Variants in ERO1A observed in about 807,000 individuals in gnomAD.
ERO1A encodes the protein ERO1-like protein alpha.
In ERO1A, 49 loss-of-function variants were observed where a neutral mutation model predicts 76.9. The observed-to-expected ratio is 0.64, with a 90% confidence interval of 0.51 to 0.81. ERO1A has a LOEUF of 0.81. Among genes scored for constraint, ERO1A ranks in the 30% least tolerant of loss-of-function variants. ERO1A has a pLI of 0.00. For synonymous variants in ERO1A, 174 were observed against 181.2 expected, an observed-to-expected ratio of 0.96 and a Z score of 0.32; for missense variants, 448 against 542.1, an observed-to-expected ratio of 0.83 and a Z score of 1.72.
chr14:52,671,179 C>A (rs2040584759), intron 6 of ERO1A, among the ~76,000 whole-genome samples: 1 of 152,168 alleles, frequency 6.6e-6, no homozygotes, highest in Admixed American at 6.5e-5. Flanking sequence ...AACTTCATTC[C>A]TTTTTCTGGC....
intron 4 of ERO1A, among the ~76,000 whole-genome samples, chr14:52,677,788 A>G (rs918110301): frequency 8.7e-5 from 13 of 149,220 alleles, no homozygotes; most frequent in African/African-American, 3.3e-4. Flanking sequence ...ACTTTAGCCC[A>G]GGAGTTCAAG....
intron 1 of ERO1A, among the ~76,000 whole-genome samples, chr14:52,691,485 A>G (rs2041352901): frequency 6.6e-6 from 1 of 152,218 alleles, no homozygotes. Flanking sequence ...AACCTGTTTC[A>G]AAGATCCCTC....
chr14:52,658,465 G>A, intron 9 of ERO1A: 1 of 222,434 alleles, frequency 4.5e-6, no homozygotes, highest in South Asian at 1.1e-4. Context: ...GTCAAGAATG[G>A]GAAAATACCT....
rs184163739 is a variant in ERO1A, at chr14:52,656,635, C to A, written c.808+1282G>T. The stretch of plus-strand genomic sequence containing the variant: ...GCTGAGGCAGGAGAATCACTTGAAC[C>A]CAGGAGGCAGAGGTCACAGTGAGCC... On this transcript the variant is annotated intron_variant, in intron 11 of 15. Coordinates refer to ENST00000395686, the MANE Select transcript of ERO1A (RefSeq NM_014584.3). Among the ~76,000 whole-genome samples, 961 of 150,784 alleles carry A rather than the reference C, an allele frequency of 6.4e-3. 7 individuals carry two copies. Among genetic ancestry groups the A allele is most frequent in the Middle Eastern group, 0.017 (5 of 292 alleles).
At chr14:52,647,490 T>C in intron 13 of ERO1A, among the ~76,000 whole-genome samples, 1 of 152,244 alleles carries the variant, frequency 6.6e-6, no homozygotes, top group Middle Eastern at 3.4e-3. Flanking sequence ...AAGCCCCTCA[T>C]GTTATCTCTC....
intron 4 of ERO1A, among the ~76,000 whole-genome samples, chr14:52,675,405 G>C (rs1452213055): frequency 6.6e-6 from 1 of 151,932 alleles, no homozygotes; most frequent in Non-Finnish European, 1.5e-5. Flanking sequence ...AAAGGTGGTG[G>C]AATCTAGGTT....
At chr14:52,667,705 CAGTG>C (rs1297687068) in intron 6 of ERO1A, among the ~76,000 whole-genome samples, 1 of 151,820 alleles carries the variant, frequency 6.6e-6, no homozygotes, top group Non-Finnish European at 1.5e-5. Context: ...CTGGGCAACA[CAGTG>C]AGACTGTGTC....
At chr14:52,671,601 C>T (rs1285020951) in intron 6 of ERO1A, 29 bp downstream of exon 6, 1 of 1,504,852 alleles carries the variant, frequency 6.6e-7, no homozygotes, top group South Asian at 1.2e-5. Context: ...TAATTTTAAA[C>T]ACAATGCATA....
rs574368846 is a variant in ERO1A, at chr14:52,663,451, T to A, written c.676+350A>T. ...CATCTCTACTAAAAATACAAAAAAA[T>A]TTGCTGGGCGTTGTGGCGGGCGCCT... On this transcript the variant is annotated intron_variant, in intron 8 of 15. Coordinates refer to ENST00000395686, the MANE Select transcript of ERO1A (RefSeq NM_014584.3). Among the ~76,000 whole-genome samples the A allele has an allele frequency of 2.0e-5, 3 of 151,726 alleles. No individual in the cohort carries two copies. The South Asian group carries it at 6.3e-4, about 32-fold the overall frequency.
At chr14:52,665,239 T>A (rs1321614171) in intron 7 of ERO1A, among the ~76,000 whole-genome samples, 1 of 149,862 alleles carries the variant, frequency 6.7e-6, no homozygotes, top group Non-Finnish European at 1.5e-5. Context: ...GAGGCAGAGG[T>A]TGCGGTAAGC....
rs1313431918 is a variant in ERO1A at position 52,642,787 on chromosome 14, TTTAG to T, written c.*779_*782del. On this transcript the variant is annotated 3_prime_UTR_variant, in exon 16 of 16. Transcript: ENST00000395686. ...AATAAAAAGTGTTCCCCAAATTTTA[TTTAG>T]TATTAGTGAAAGTATTATGAGAATA... is the stretch of plus-strand genomic sequence containing the variant. The T allele has an allele frequency of 2.6e-5, 4 of 152,578 alleles. No homozygotes were observed. The highest frequency in any genetic ancestry group is 4.4e-5 in the Non-Finnish European group (3 of 68,022). The allele number at this position is 152,578 out of a possible 1,614,324, so 9.5% of individuals were successfully genotyped here.
intron 6 of ERO1A, among the ~76,000 whole-genome samples, chr14:52,670,225 G>A (rs1161639245): frequency 2.6e-5 from 4 of 152,150 alleles, no homozygotes; most frequent in East Asian, 1.9e-4. Flanking sequence ...TTGAAAGAGC[G>A]TTAGTCCACT....
intron 3 of ERO1A, among the ~76,000 whole-genome samples, chr14:52,680,078 C>CA (rs2040938000): frequency 3.7e-4 from 5 of 13,686 alleles, no homozygotes; most frequent in African/African-American, 8.5e-4. Context: ...GCAAAAAACA[C>CA]AAACAAAAAA....
intron 11 of ERO1A, 112 bp from the exon 12 acceptor site, chr14:52,653,427 TATA>T: frequency 1.3e-6 from 1 of 766,270 alleles, no homozygotes; most frequent in Admixed American, 3.0e-5. Flanking sequence ...TTTTAAGTTA[TATA>T]ATAACAACCA....
At chr14:52,659,071 TAAAC>T (rs1441804319) in intron 9 of ERO1A, among the ~76,000 whole-genome samples, 4 of 152,082 alleles carry the variant, frequency 2.6e-5, no homozygotes, top group African/African-American at 9.7e-5. Context: ...GAACACTTCA[TAAAC>T]AAAAGCAAAA....
intron 6 of ERO1A, among the ~76,000 whole-genome samples, chr14:52,667,344 G>A (rs975939774): frequency 6.6e-6 from 1 of 152,182 alleles, no homozygotes; most frequent in African/African-American, 2.4e-5. Flanking sequence ...ATGGGCTCTG[G>A]AGCCAGAACA....
At chr14:52,663,637 TAA>T in intron 8 of ERO1A, 162 bp downstream of exon 8, 1 of 428,770 alleles carries the variant, frequency 2.3e-6, no homozygotes, top group Non-Finnish European at 4.3e-6. Context: ...GAAGTACAAA[TAA>T]TTTAAGCACC....
intron 11 of ERO1A, among the ~76,000 whole-genome samples, chr14:52,655,222 G>A (rs553870259): frequency 5.3e-4 from 80 of 152,116 alleles, no homozygotes; most frequent in African/African-American, 1.4e-3. Flanking sequence ...AAAATCAGCC[G>A]GGCGTGGTGG....
At chr14:52,689,067 T>C (rs2041271055) in intron 1 of ERO1A, among the ~76,000 whole-genome samples, 1 of 152,128 alleles carries the variant, frequency 6.6e-6, no homozygotes, top group Non-Finnish European at 1.5e-5. Flanking sequence ...GAGACTCTCC[T>C]GCCTCAGCCT....
Sources: gnomAD v4.1 joint callset for allele counts (sites outside exome capture counted in the v4.1 genomes callset) on GRCh38, gnomAD v4.1.1 for gene constraint, MANE v1.5 for transcripts, NCBI Gene and HGNC (gene_info 2026-07-23, HGNC 2026-07-21) for gene names.